CYP46A1: variants seen among roughly 807,000 people sequenced by gnomAD.
The protein encoded by CYP46A1 is cholesterol 24-hydroxylase.
Under a neutral mutation model 63.3 loss-of-function variants are expected in CYP46A1, and 20 were observed. The ratio of observed to expected loss-of-function variants is 0.32; its 90% CI spans 0.22 to 0.46. The LOEUF (loss-of-function observed/expected upper bound fraction) is 0.46, where lower values mean the gene tolerates loss of function less well. Among genes scored for constraint, CYP46A1 ranks in the 20% least tolerant of loss-of-function variants. The pLI is 1.00. For synonymous variants in CYP46A1, 268 were observed against 273.6 expected, an observed-to-expected ratio of 0.98 and a Z score of 0.20; for missense variants, 445 against 670.8, an observed-to-expected ratio of 0.66 and a Z score of 3.72.
intron 3 of CYP46A1, among the ~76,000 whole-genome samples, chr14:99,697,935 G>A (rs992787227): frequency 8.6e-5 from 13 of 151,902 alleles, no homozygotes; most frequent in African/African-American, 2.9e-4. Context: ...TGACTCTAGG[G>A]TATTTGAGAG....
intron 1 of CYP46A1, among the ~76,000 whole-genome samples, chr14:99,686,608 C>T (rs1263987746): frequency 6.6e-6 from 1 of 152,112 alleles, no homozygotes; most frequent in African/African-American, 2.4e-5. Flanking sequence ...CAATATGTGG[C>T]CTTTTGTGTC....
chr14:99,704,248 A>G (rs1026574916), intron 5 of CYP46A1, among the ~76,000 whole-genome samples: 1 of 152,210 alleles, frequency 6.6e-6, no homozygotes, highest in African/African-American at 2.4e-5. Flanking sequence ...AACCATCACC[A>G]GATATTTTTA....
Position 99,722,957 on chromosome 14 carries a change from G to A in CYP46A1, c.1176+891G>A, listed in dbSNP as rs137889743. The A allele has an allele frequency of 9.0e-6, 4 of 444,266 alleles. No homozygotes were observed. Among genetic ancestry groups the A allele is most frequent in the Admixed American group, 2.4e-5 (1 of 41,882 alleles). The allele number at this position is 444,266 out of a possible 1,614,324, so 27.5% of individuals were successfully genotyped here. A position where few individuals can be genotyped will look rare whatever the true frequency, so the allele number is the denominator to read the frequency against. ...GGGCTGGGTTGTAGGACCCCTGACT[G>A]TTCAGCTTTACAAACGAACGCCACA... On this transcript the variant is annotated intron_variant, in intron 12 of 14. Transcript: ENST00000261835. This position sits in a 1 kb window ranked among gnomAD's most constrained non-coding sequence, Gnocchi z 4.6.
At chr14:99,719,378 A>ATTTT (rs55679517) in intron 10 of CYP46A1, among the ~76,000 whole-genome samples, 1 of 142,570 alleles carries the variant, frequency 7.0e-6, no homozygotes, top group African/African-American at 2.7e-5. Flanking sequence ...CACCTGGCTA[A>ATTTT]TTTTTTTTTT....
Position 99,700,023 on chromosome 14 carries a change from G to A in CYP46A1, c.365G>A (p.Gly122Asp). The A allele has an allele frequency of 6.3e-7, 1 of 1,593,020 alleles. No homozygotes were observed. Among genetic ancestry groups the A allele is most frequent in the Non-Finnish European group, 8.5e-7 (1 of 1,171,702 alleles). The change falls in exon 5 of 15, where the codon GGC becomes GAC. Residue 122 changes from glycine to aspartate, a missense_variant. By Grantham distance (94) the Gly-to-Asp change is moderately conservative. Transcript: ENST00000261835. The part of the protein sequence containing the change: ...LQTVFGERLF[G>D]QGLVSECNYE... Reference sequence around the variant, plus strand: ...GTGTGTGTCTCCTACAGACTCTTCGGCCAAGGCTTGGTGTCCGAATGCAAC... The same window carrying A: ...GTGTGTGTCTCCTACAGACTCTTCGACCAAGGCTTGGTGTCCGAATGCAAC...
At chr14:99,707,765 T>C in intron 7 of CYP46A1, 87 bp downstream of exon 7, 1 of 1,260,308 alleles carries the variant, frequency 7.9e-7, no homozygotes, top group Admixed American at 2.1e-5. Flanking sequence ...ATTTTTTTTT[T>C]TTTTCCCAGA....
intron 10 of CYP46A1, among the ~76,000 whole-genome samples, chr14:99,720,140 A>T (rs930476009): frequency 6.6e-6 from 1 of 152,116 alleles, no homozygotes; most frequent in Non-Finnish European, 1.5e-5. Context: ...ATATCTGTCC[A>T]TGGGTACCTG....
chr14:99,688,391 C>T (rs1363933312), intron 1 of CYP46A1, among the ~76,000 whole-genome samples: 1 of 152,156 alleles, frequency 6.6e-6, no homozygotes, highest in Non-Finnish European at 1.5e-5. Flanking sequence ...TCCGCACTCT[C>T]AGCTTTTATT....
chr14:99,704,758 A>C (rs17098927), intron 5 of CYP46A1, among the ~76,000 whole-genome samples: 19,418 of 152,320 alleles, frequency 0.13, 1,430 homozygotes, highest in Middle Eastern at 0.18. Flanking sequence ...CATTATGAGA[A>C]AAAGTCAAGG....
At chr14:99,726,033 C>G (rs539350045) in intron 13 of CYP46A1, among the ~76,000 whole-genome samples, 157 bp from the exon 14 acceptor site, 1 of 152,336 alleles carries the variant, frequency 6.6e-6, no homozygotes, top group South Asian at 2.1e-4. Flanking sequence ...ATCCAGCCCT[C>G]GGCAGAGTCA....
intron 10 of CYP46A1, among the ~76,000 whole-genome samples, chr14:99,720,268 G>A (rs907227993): frequency 1.5e-4 from 23 of 152,096 alleles, no homozygotes; most frequent in African/African-American, 5.6e-4. Flanking sequence ...TGGGATTGCT[G>A]GATCATATGG....
chr14:99,707,539 G>A (rs1566830822), intron 6 of CYP46A1, 29 bp from the exon 7 acceptor site: 1 of 1,598,256 alleles, frequency 6.3e-7, no homozygotes, highest in Non-Finnish European at 8.6e-7. Flanking sequence ...TGTGCCCCAG[G>A]GATGACCTTG....
At chr14:99,706,529 T>A (rs2056677544) in intron 5 of CYP46A1, 118 bp from the exon 6 acceptor site, 12 of 1,387,738 alleles carry the variant, frequency 8.6e-6, no homozygotes, top group Non-Finnish European at 1.1e-5. Flanking sequence ...CCAGAAAGAC[T>A]GGGAGGGACC....
rs750126478 is a variant in CYP46A1, at chr14:99,725,311, C to T, written c.1177-80C>T. ...GGGACCCACTCTGCTCTGAGTAGCC[C>T]TGTTGGGTGGCCTCAGTGGCTCAAG... On this transcript the variant is annotated intron_variant, in intron 12 of 14. Coordinates refer to ENST00000261835, the MANE Select transcript of CYP46A1 (RefSeq NM_006668.2). This position sits in a 1 kb window ranked among gnomAD's most constrained non-coding sequence, Gnocchi z 4.2. 1.2e-4 allele frequency: 138 copies of T among 1,106,712 alleles called. 1 individual carries two copies. The highest frequency in any genetic ancestry group is 1.7e-4 in the Admixed American group (10 of 58,288). The allele number at this position is 1,106,712 out of a possible 1,614,324, so 68.6% of individuals were successfully genotyped here. A position where few individuals can be genotyped will look rare whatever the true frequency, so the allele number is the denominator to read the frequency against.
intron 3 of CYP46A1, chr14:99,695,374 GCA>G: frequency 2.7e-6 from 1 of 375,990 alleles, no homozygotes; most frequent in Admixed American, 3.4e-5. Flanking sequence ...TCTAGTGGTT[GCA>G]GGGCAAGGAA....
At chr14:99,726,051 A>T in intron 13 of CYP46A1, 139 bp from the exon 14 acceptor site, 1 of 734,492 alleles carries the variant, frequency 1.4e-6, no homozygotes. Context: ...TCAGCGGTTC[A>T]TGCTTTGCAT....
At chr14:99,711,020 CA>C (rs2056725766) in intron 7 of CYP46A1, 1 of 151,914 alleles carries the variant, frequency 6.6e-6, no homozygotes, top group Non-Finnish European at 1.5e-5. Flanking sequence ...GGAAATTGTA[CA>C]AATACATGGA....
intron 1 of CYP46A1, 190 bp downstream of exon 1, chr14:99,684,726 C>A: frequency 3.1e-6 from 2 of 653,084 alleles, no homozygotes; most frequent in Non-Finnish European, 5.7e-6. Context: ...AGCTGCTGGG[C>A]GCCCACCGCG....
chr14:99,726,117 A>C lies in CYP46A1; in HGVS notation c.1266-73A>C, dbSNP rs1384051829. On this transcript the variant is annotated intron_variant, in intron 13 of 14. Transcript: ENST00000261835. ...GTGTTCATCCAGACCTGGGTTAACT[A>C]CTGTCTTCCTTATGTTGTTCCTGTG... 3 of 1,365,814 alleles carry C rather than the reference A, an allele frequency of 2.2e-6. No individual in the cohort carries two copies. In the African/African-American group the frequency reaches 4.3e-5, roughly 20 times the overall value. The allele number at this position is 1,365,814 out of a possible 1,614,324, so 84.6% of individuals were successfully genotyped here. A position where few individuals can be genotyped will look rare whatever the true frequency, so the allele number is the denominator to read the frequency against.
Sources: allele counts gnomAD v4.1 joint callset (sites outside exome capture counted in the v4.1 genomes callset), GRCh38; gene constraint gnomAD v4.1.1; non-coding constraint Gnocchi (gnomAD v3.1); transcripts MANE v1.5; gene names NCBI Gene and HGNC (gene_info 2026-07-23, HGNC 2026-07-21).